Variants in NIPAL3 observed in about 807,000 individuals in gnomAD.
NIPAL3 encodes NIPA-like protein 3.
NIPAL3 carries 41 observed loss-of-function variants against 47.2 expected under a neutral mutation model. The ratio of observed to expected loss-of-function variants is 0.87; its 90% CI spans 0.68 to 1.13. The LOEUF (loss-of-function observed/expected upper bound fraction) is 1.13, where lower values mean the gene tolerates loss of function less well. Ranked by LOEUF, NIPAL3 falls within the 50% of genes most tolerant of loss-of-function variation. The pLI is 0.00. For missense variants in NIPAL3, 449 were observed against 530.1 expected, an observed-to-expected ratio of 0.85 and a Z score of 1.50; for synonymous variants, 194 against 209.6, an observed-to-expected ratio of 0.93 and a Z score of 0.64.
chr1:24,431,126 C>T (rs898680292), intron 2 of NIPAL3, among the ~76,000 whole-genome samples: 4 of 152,138 alleles, frequency 2.6e-5, no homozygotes, highest in African/African-American at 7.2e-5. Flanking sequence ...CTATCCCATT[C>T]CAGTGTCATG....
intron 10 of NIPAL3, among the ~76,000 whole-genome samples, chr1:24,463,047 G>A (rs374252061): frequency 6.6e-6 from 1 of 152,216 alleles, no homozygotes; most frequent in African/African-American, 2.4e-5. Flanking sequence ...AAATTAGCCT[G>A]GCATGCTGGC....
chr1:24,455,983 A>ACGG (rs2148841198), intron 7 of NIPAL3, among the ~76,000 whole-genome samples, 155 bp from the exon 8 acceptor site: 1 of 152,160 alleles, frequency 6.6e-6, no homozygotes, highest in African/African-American at 2.4e-5. Context: ...CCCAGTGCAA[A>ACGG]CGGCGTCTGT....
In NIPAL3 at chr1:24,469,238, C is replaced by G. The variant is rs749341031; in HGVS notation, c.*53C>G. On this transcript the variant is annotated 3_prime_UTR_variant, in exon 12 of 12. Coordinates refer to ENST00000374399, the MANE Select transcript of NIPAL3 (RefSeq NM_020448.5). ...CCCCTCCAGGCTGACAGTGGTTCAACCCTGAATCCTAAAACTTGCCTTTCA... is the reference window on the plus strand; with the variant it reads ...CCCCTCCAGGCTGACAGTGGTTCAAGCCTGAATCCTAAAACTTGCCTTTCA... The G allele has an allele frequency of 6.8e-7, 1 of 1,473,254 alleles. No homozygotes were observed. The highest frequency in any genetic ancestry group is 1.2e-5 in the South Asian group (1 of 83,454). The allele number at this position is 1,473,254 out of a possible 1,614,324, so 91.3% of individuals were successfully genotyped here.
At chr1:24,435,184 G>A (rs1645044593) in intron 2 of NIPAL3, among the ~76,000 whole-genome samples, 1 of 152,130 alleles carries the variant, frequency 6.6e-6, no homozygotes, top group African/African-American at 2.4e-5. Context: ...AAATAGCACA[G>A]GAATAACTGG....
intron 8 of NIPAL3, 112 bp downstream of exon 8, chr1:24,456,385 C>A: frequency 1.4e-6 from 2 of 1,429,556 alleles, no homozygotes; most frequent in Non-Finnish European, 1.9e-6. Flanking sequence ...TGCCCCAGGG[C>A]CTGGCATCCA....
In NIPAL3 at chr1:24,449,050, G is replaced by A. The variant is rs891508040; in HGVS notation, c.395-431G>A. ...ATGCTGAGTCAAAAGAGATCACACC[G>A]TATGGGTCCATTTGTATAAAGCACA... On this transcript the variant is annotated intron_variant, in intron 5 of 11. Transcript: ENST00000374399. The surrounding 1 kb of genome is among the most constrained non-coding windows in gnomAD (Gnocchi z 4.5). Among the ~76,000 whole-genome samples the A allele has an allele frequency of 6.6e-6, 1 of 152,164 alleles. No individual in the cohort carries two copies. Among genetic ancestry groups the A allele is most frequent in the African/African-American group, 2.4e-5 (1 of 41,434 alleles).
rs1335698934 is a variant in NIPAL3, at chr1:24,458,967, A to G, written c.853A>G (p.Ile285Val). The change falls in exon 9 of 12, where the codon ATC becomes GTC. Residue 285 changes from isoleucine (I) to valine (V), a missense_variant. Coordinates refer to ENST00000374399, the MANE Select transcript of NIPAL3 (RefSeq NM_020448.5). ...VGYILSTTIA[I>V]TAGAIFYLDF... ...CTACATTCTGTCCACAACCATTGCT[A>G]TCACAGCAGGTAAGGGTGACCCATT... The G allele has an allele frequency of 1.2e-6, 2 of 1,613,784 alleles. No individual in the cohort carries two copies. The highest frequency in any genetic ancestry group is 2.2e-5 in the East Asian group (1 of 44,884).
chr1:24,422,093 AAT>A (rs1644360488), intron 2 of NIPAL3: 1 of 152,184 alleles, frequency 6.6e-6, no homozygotes, highest in South Asian at 2.1e-4. Flanking sequence ...ATTTGTCTGG[AAT>A]TAGACTCATT....
intron 3 of NIPAL3, 91 bp from the exon 4 acceptor site, chr1:24,441,964 T>C: frequency 7.4e-7 from 1 of 1,352,572 alleles, no homozygotes; most frequent in Non-Finnish European, 1.0e-6. Flanking sequence ...CCCAATTTAT[T>C]TGCAAGTTGG....
intron 10 of NIPAL3, among the ~76,000 whole-genome samples, chr1:24,463,433 G>C (rs1646565523): frequency 6.6e-6 from 1 of 152,168 alleles, no homozygotes; most frequent in East Asian, 1.9e-4. Flanking sequence ...TGAACTGGTT[G>C]ATGATTCCCC....
At chr1:24,429,060 G>A (rs1320817409) in intron 2 of NIPAL3, among the ~76,000 whole-genome samples, 1 of 152,126 alleles carries the variant, frequency 6.6e-6, no homozygotes. Context: ...AAATAAAATA[G>A]CAGCTACCAG....
intron 4 of NIPAL3, 39 bp from the exon 5 acceptor site, chr1:24,445,146 G>C (rs568912884): frequency 6.8e-7 from 1 of 1,468,302 alleles, no homozygotes; most frequent in East Asian, 2.3e-5. Flanking sequence ...TTAGCTGACA[G>C]CAGCCTCAAT....
Position 24,454,440 on chromosome 1 carries a change from G to A in NIPAL3, c.637+936G>A, listed in dbSNP as rs951891613. 1 of 1,000,360 alleles carries A rather than the reference G, an allele frequency of 1.0e-6. No individual in the cohort carries two copies. The highest frequency in any genetic ancestry group is 1.2e-6 in the Non-Finnish European group (1 of 838,786). The allele number at this position is 1,000,360 out of a possible 1,614,324, so 62.0% of individuals were successfully genotyped here. On this transcript the variant is annotated intron_variant, in intron 7 of 11. Transcript: ENST00000374399. The surrounding 1 kb of genome is among the most constrained non-coding windows in gnomAD (Gnocchi z 4.1). ...GGGGTTAAATGAGATGTGCACAGGT[G>A]GCTAATATGTGCATTTTTCTTCCAA...
chr1:24,462,975 AAAAATACTAAAATAC>A (rs1382832127), intron 10 of NIPAL3, among the ~76,000 whole-genome samples: 1 of 152,134 alleles, frequency 6.6e-6, no homozygotes, highest in Admixed American at 6.5e-5. Flanking sequence ...CAAAAATACT[AAAAATACTAAAATAC>A]AAAATACTAA....
At chr1:24,465,605 G>C (rs958475503) in intron 11 of NIPAL3, 1 of 153,200 alleles carries the variant, frequency 6.5e-6, no homozygotes, top group East Asian at 1.9e-4. Flanking sequence ...GCAGTGGCTT[G>C]TCAGGACACT....
intron 2 of NIPAL3, among the ~76,000 whole-genome samples, chr1:24,439,527 G>A (rs1645278199): frequency 6.6e-6 from 1 of 151,982 alleles, no homozygotes; most frequent in African/African-American, 2.4e-5. Flanking sequence ...TATTATGGTG[G>A]TGTTGTTATT....
chr1:24,466,646 TG>T (rs1646709763), intron 11 of NIPAL3, among the ~76,000 whole-genome samples: 1 of 152,212 alleles, frequency 6.6e-6, no homozygotes, highest in African/African-American at 2.4e-5. Flanking sequence ...ACATGGTTCG[TG>T]GTTCCCCGCC....
At chr1:24,428,513 G>A (rs6692326) in intron 2 of NIPAL3, among the ~76,000 whole-genome samples, 12,986 of 152,104 alleles carry the variant, frequency 0.085, 1,808 homozygotes, top group African/African-American at 0.29. Context: ...AGACAGACCT[G>A]GCTGGGTTCC....
upstream of NIPAL3, chr1:24,415,690 C>T (rs1170576252): frequency 1.8e-5 from 4 of 227,350 alleles, no homozygotes; most frequent in Admixed American, 6.5e-5. Flanking sequence ...TACTCCCCGT[C>T]CTCGCAGCCA....
Sources: allele counts gnomAD v4.1 joint callset (sites outside exome capture counted in the v4.1 genomes callset), GRCh38; gene constraint gnomAD v4.1.1; non-coding constraint Gnocchi (gnomAD v3.1); transcripts MANE v1.5; gene names NCBI Gene and HGNC (gene_info 2026-07-23, HGNC 2026-07-21).